Variants in NAV3 observed in about 807,000 individuals in gnomAD.
NAV3 encodes pore membrane and/or filament interacting like protein 1.
A neutral mutation model predicts 244.7 loss-of-function variants in NAV3; 87 were observed. The ratio of observed to expected loss-of-function variants is 0.36; its 90% CI spans 0.30 to 0.42. The LOEUF is 0.42. NAV3 is among the 20% of genes least tolerant of loss of function. The pLI is 1.00. For missense variants in NAV3, 2,663 were observed against 2,893.3 expected, an observed-to-expected ratio of 0.92 and a Z score of 1.83; for synonymous variants, 1,126 against 1,042.2, an observed-to-expected ratio of 1.08 and a Z score of -1.55.
intron 1 of NAV3, among the ~76,000 whole-genome samples, chr12:77,891,231 A>G (rs1322361866): frequency 1.3e-5 from 2 of 150,232 alleles, no homozygotes; most frequent in Non-Finnish European, 3.0e-5. Context: ...CAATTTATAA[A>G]GATAAATTTA....
At chr12:78,130,161 T>G (rs190675503) in intron 18 of NAV3, among the ~76,000 whole-genome samples, 1 of 152,274 alleles carries the variant, frequency 6.6e-6, no homozygotes, top group Admixed American at 6.5e-5. Flanking sequence ...CTATTTTGCC[T>G]TACTGGGCCT....
chr12:77,691,337 G>GTATATA lies in NAV3; in HGVS notation c.72+119084_72+119089dup, dbSNP rs1182535904. On this transcript the variant is annotated intron_variant, in intron 2 of 8. Transcript: ENST00000550042. ...CATATATAAGTATTTGTGTATGTGT[G>GTATATA]TATATATATATATATATACATATCC... Among the ~76,000 whole-genome samples, 60 of 104,264 alleles carry GTATATA rather than the reference G, an allele frequency of 5.8e-4. 2 individuals are homozygous for GTATATA. Among genetic ancestry groups the GTATATA allele is most frequent in the African/African-American group, 2.1e-3 (59 of 28,770 alleles). The allele number at this position is 104,264 out of a possible 152,430, so 68.4% of individuals were successfully genotyped here.
rs140104954 is a variant in NAV3, at chr12:78,057,489, C to T, written c.2517-1507C>T. 1.3e-3 allele frequency among the ~76,000 whole-genome samples: 199 copies of T among 152,232 alleles called. 3 individuals carry two copies. The East Asian group carries it at 0.02, about 16-fold the overall frequency. ...TGTTAAAAAGATCCATCTTTTGCAC[C>T]ACAGATTCCTAATCTTAATGCTTCC... On this transcript the variant is annotated intron_variant, in intron 11 of 39. Coordinates refer to ENST00000397909, the MANE Select transcript of NAV3 (RefSeq NM_001024383.2).
At chr12:77,581,802 T>C (rs1013392101) in intron 2 of NAV3, among the ~76,000 whole-genome samples, 5 of 152,210 alleles carry the variant, frequency 3.3e-5, no homozygotes, top group Non-Finnish European at 4.4e-5. Context: ...ATATTTTGGC[T>C]GAACTTAATG....
chr12:78,034,657 G>A (rs991174266), intron 9 of NAV3, among the ~76,000 whole-genome samples: 13 of 152,242 alleles, frequency 8.5e-5, no homozygotes, highest in Non-Finnish European at 1.8e-4. Flanking sequence ...GGGTATATTA[G>A]CATATATACT....
At chr12:78,126,464 A>C (rs992534719) in intron 16 of NAV3, among the ~76,000 whole-genome samples, 3 of 152,124 alleles carry the variant, frequency 2.0e-5, no homozygotes, top group African/African-American at 7.2e-5. Context: ...ATTTTTAGAG[A>C]GGCCATTTCT....
intron 1 of NAV3, among the ~76,000 whole-genome samples, chr12:77,851,455 G>A (rs988186117): frequency 6.6e-6 from 1 of 152,092 alleles, no homozygotes; most frequent in Non-Finnish European, 1.5e-5. Flanking sequence ...ATAAAGAAAA[G>A]TTCTTGAATT....
intron 12 of NAV3, among the ~76,000 whole-genome samples, chr12:78,114,314 T>C (rs973809811): frequency 1.3e-5 from 2 of 152,214 alleles, no homozygotes; most frequent in Non-Finnish European, 2.9e-5. Context: ...TTTCTGGGTA[T>C]CTTTACAGCA....
intron 2 of NAV3, among the ~76,000 whole-genome samples, chr12:77,584,442 T>A (rs79593801): frequency 5.9e-5 from 9 of 152,130 alleles, no homozygotes; most frequent in East Asian, 1.9e-4. Flanking sequence ...ATTTTTTTTT[T>A]AATGAAAATC....
intron 2 of NAV3, among the ~76,000 whole-genome samples, chr12:77,631,860 C>G (rs1262810177): frequency 1.3e-5 from 2 of 152,198 alleles, no homozygotes; most frequent in African/African-American, 4.8e-5. Flanking sequence ...ATACCAGGGC[C>G]TATTCCACTT....
intron 2 of NAV3, among the ~76,000 whole-genome samples, chr12:77,782,803 A>G (rs1870730603): frequency 6.6e-6 from 1 of 152,224 alleles, no homozygotes; most frequent in Non-Finnish European, 1.5e-5. Flanking sequence ...CTATTATACT[A>G]GAATATTTAC....
At chr12:77,787,618 G>T (rs1361706501) in intron 2 of NAV3, among the ~76,000 whole-genome samples, 1 of 152,176 alleles carries the variant, frequency 6.6e-6, no homozygotes, top group Non-Finnish European at 1.5e-5. Flanking sequence ...TCACTATCAT[G>T]AGAACAGCAG....
rs559578971 is a variant in NAV3, at chr12:78,185,736, G to A, written c.5790+38G>A. On this transcript the variant is annotated intron_variant, in intron 31 of 39. Coordinates refer to ENST00000397909, the MANE Select transcript of NAV3 (RefSeq NM_001024383.2). ...TCTTAAACTCTTTATTACTAACAAT[G>A]AGAATTACCATGAGTCAAGTGTATT... 78 of 1,525,530 alleles carry A rather than the reference G, an allele frequency of 5.1e-5. No homozygotes were observed. The Admixed American group carries it at 1.3e-3, about 25-fold the overall frequency. 94.5% of individuals were successfully genotyped at this position (1,525,530 alleles called of 1,614,324 possible). A position where few individuals can be genotyped will look rare whatever the true frequency, so the allele number is the denominator to read the frequency against.
At chr12:77,686,766 C>T (rs1874772217) in intron 2 of NAV3, among the ~76,000 whole-genome samples, 1 of 152,098 alleles carries the variant, frequency 6.6e-6, no homozygotes, top group African/African-American at 2.4e-5. Context: ...CTTTACAGTA[C>T]GAGGTCTTAA....
At chr12:77,848,721 A>T (rs1319800057) in intron 1 of NAV3, among the ~76,000 whole-genome samples, 1 of 152,208 alleles carries the variant, frequency 6.6e-6, no homozygotes, top group Non-Finnish European at 1.5e-5. Context: ...GGCATACAGG[A>T]TAAAGAGTTA....
chr12:77,790,916 G>A lies in NAV3; in HGVS notation c.73-149403G>A, dbSNP rs369070759. ...TTCCTCTGCTGATGGTTTTAAGGGC[G>A]TCCCTCTTACTACTCTCTCCTCCCT... is the stretch of plus-strand genomic sequence containing the variant. On this transcript the variant is annotated intron_variant, in intron 2 of 8. Coordinates refer to the NAV3 transcript ENST00000550042. 4.1e-4 allele frequency among the ~76,000 whole-genome samples: 62 copies of A among 152,180 alleles called. No individual in the cohort carries two copies. In the South Asian group the frequency reaches 0.011, roughly 27 times the overall value.
chr12:77,777,988 T>C (rs1870454785), intron 2 of NAV3, among the ~76,000 whole-genome samples: 1 of 151,970 alleles, frequency 6.6e-6, no homozygotes, highest in African/African-American at 2.4e-5. Flanking sequence ...TGTATCTTAG[T>C]AGAGACAGGG....
chr12:78,130,713 C>G (rs966278974), intron 18 of NAV3: 3 of 152,590 alleles, frequency 2.0e-5, no homozygotes, highest in African/African-American at 7.2e-5. Flanking sequence ...GCTTATCCAA[C>G]TTGGGTTGCA....
At chr12:78,181,567 T>C (rs1053087540) in intron 30 of NAV3, among the ~76,000 whole-genome samples, 3 of 152,104 alleles carry the variant, frequency 2.0e-5, no homozygotes, top group African/African-American at 7.2e-5. Flanking sequence ...AGTTTTGATT[T>C]GATTGCAAAT....
Sources: gnomAD v4.1 joint callset for allele counts (sites outside exome capture counted in the v4.1 genomes callset) on GRCh38, gnomAD v4.1.1 for gene constraint, MANE v1.5 for transcripts, NCBI Gene and HGNC (gene_info 2026-07-23, HGNC 2026-07-21) for gene names.